FOCAD: variants seen among roughly 807,000 people sequenced by gnomAD.
The protein encoded by FOCAD is KIAA1797.
A neutral mutation model predicts 225.6 loss-of-function variants in FOCAD; 198 were observed. The observed-to-expected ratio is 0.88, with a 90% CI of 0.78 to 0.99. FOCAD has a LOEUF of 0.99. FOCAD is among the 50% of genes least tolerant of loss of function. FOCAD has a pLI of 0.00. For missense variants in FOCAD, 2,713 were observed against 2,123.6 expected (o/e 1.28, Z -5.46); for synonymous variants, 897 against 755.0 (o/e 1.19, Z -3.08).
intron 7 of FOCAD, among the ~76,000 whole-genome samples, chr9:20,766,975 C>G (rs938715258): frequency 1.3e-5 from 2 of 152,112 alleles, no homozygotes; most frequent in African/African-American, 4.8e-5. Context: ...TCCCTCCCCT[C>G]TCCCCCACCC....
rs1359900810 is a variant in FOCAD at position 20,913,141 on chromosome 9, TACATAC to T, written c.2807+191_2807+196del. 1.7e-3 allele frequency among the ~76,000 whole-genome samples: 175 copies of T among 100,582 alleles called. 1 individual carries two copies. The highest frequency in any genetic ancestry group is 5.5e-3 in the African/African-American group (138 of 24,990). 66.0% of individuals were successfully genotyped at this position (100,582 alleles called of 152,430 possible). ...GATAGAGAGCTTTATTTATAAATTA[TACATAC>T]ACACACACACACACACACACACACA... On this transcript the variant is annotated intron_variant, in intron 23 of 43. Coordinates refer to ENST00000338382, the MANE Select transcript of FOCAD (RefSeq NM_001375567.1).
chr9:20,671,851 G>A (rs1337209633), intron 2 of FOCAD, among the ~76,000 whole-genome samples: 1 of 152,132 alleles, frequency 6.6e-6, no homozygotes. Flanking sequence ...TGCTGCCGCT[G>A]GCTTGTACAG....
chr9:20,885,357 A>G lies in FOCAD; in HGVS notation c.2625+127A>G, dbSNP rs1003222400. The G allele has an allele frequency of 1.6e-4, 154 of 962,080 alleles. 2 individuals are homozygous for G. The highest frequency in any genetic ancestry group is 7.1e-5 in the Admixed American group (2 of 28,030). 59.6% of individuals were successfully genotyped at this position (962,080 alleles called of 1,614,324 possible). A position where few individuals can be genotyped will look rare whatever the true frequency, so the allele number is the denominator to read the frequency against. On this transcript the variant is annotated intron_variant, in intron 21 of 43. Coordinates refer to ENST00000338382, the MANE Select transcript of FOCAD (RefSeq NM_001375567.1). ...TGTAAGTTGCTTTTAAAGGCCACCA[A>G]AATAGTTGACCCAACTGAATACTCA...
intron 28 of FOCAD, among the ~76,000 whole-genome samples, chr9:20,937,907 C>A (rs1447892742): frequency 2.6e-5 from 4 of 152,086 alleles, no homozygotes; most frequent in African/African-American, 7.2e-5. Context: ...ACCCCATCAA[C>A]AAGTGGGCAA....
At chr9:20,955,685 C>T (rs1258602805) in intron 35 of FOCAD, among the ~76,000 whole-genome samples, 1 of 152,090 alleles carries the variant, frequency 6.6e-6, no homozygotes, top group Admixed American at 6.5e-5. Context: ...TGCTCATCAT[C>T]TAATTCCTCC....
intron 1 of FOCAD, among the ~76,000 whole-genome samples, chr9:20,710,362 G>A (rs1255950883): frequency 6.6e-6 from 1 of 151,498 alleles, no homozygotes; most frequent in Admixed American, 6.6e-5. Flanking sequence ...TTGGGAGGCC[G>A]AGATGGGCAG....
intron 15 of FOCAD, among the ~76,000 whole-genome samples, chr9:20,850,459 T>A (rs1313532287): frequency 1.3e-5 from 2 of 151,850 alleles, no homozygotes; most frequent in South Asian, 4.1e-4. Context: ...TAGATATAAA[T>A]TGCTATGGCA....
intron 2 of FOCAD, among the ~76,000 whole-genome samples, chr9:20,671,724 G>T (rs1264577608): frequency 6.6e-6 from 1 of 152,158 alleles, no homozygotes. Flanking sequence ...CAAAAAAAGG[G>T]CAAAAAGTTT....
At chr9:20,952,214 C>T (rs1837746846) in intron 34 of FOCAD, among the ~76,000 whole-genome samples, 1 of 152,022 alleles carries the variant, frequency 6.6e-6, no homozygotes, top group Non-Finnish European at 1.5e-5. Context: ...TTATGGGGTA[C>T]TTGGTCTGGC....
chr9:20,699,294 A>G (rs974317336), intron 1 of FOCAD, among the ~76,000 whole-genome samples: 2 of 152,104 alleles, frequency 1.3e-5, no homozygotes, highest in African/African-American at 4.8e-5. Flanking sequence ...AACTCTTTTG[A>G]AGATTGGCTT....
chr9:20,689,014 T>C (rs1822822413), intron 1 of FOCAD, among the ~76,000 whole-genome samples: 1 of 152,126 alleles, frequency 6.6e-6, no homozygotes, highest in South Asian at 2.1e-4. Flanking sequence ...GTCAGAGTGA[T>C]GGAATGTGAA....
intron 5 of FOCAD, among the ~76,000 whole-genome samples, chr9:20,753,080 A>G (rs1269202010): frequency 6.6e-6 from 1 of 152,174 alleles, no homozygotes; most frequent in Non-Finnish European, 1.5e-5. Context: ...GGGGTTTTCT[A>G]GATATACAAT....
chr9:20,744,612 A>G lies in FOCAD; in HGVS notation c.392+4272A>G, dbSNP rs574476232. Among the ~76,000 whole-genome samples the G allele has an allele frequency of 2.6e-5, 4 of 152,298 alleles. No homozygotes were observed. The South Asian group carries it at 8.3e-4, about 32-fold the overall frequency. ...AGAGCCCTCTTAGGAGCTTTAAAAT[A>G]TATGGATGACTGGGCTTTACCCAGA... is the stretch of plus-strand genomic sequence containing the variant. On this transcript the variant is annotated intron_variant, in intron 5 of 43. Transcript: ENST00000338382.
chr9:20,761,694 A>C (rs1157079052), intron 6 of FOCAD, among the ~76,000 whole-genome samples: 1 of 152,164 alleles, frequency 6.6e-6, no homozygotes, highest in Non-Finnish European at 1.5e-5. Context: ...TGCTGGGATT[A>C]CAGGTGTGAG....
chr9:20,939,525 G>A (rs1164079456), intron 28 of FOCAD, among the ~76,000 whole-genome samples: 3 of 152,070 alleles, frequency 2.0e-5, no homozygotes, highest in South Asian at 2.1e-4. Flanking sequence ...TTTTCAGGAA[G>A]GTTGTTTAAA....
rs150770970 is a variant in FOCAD, at chr9:20,840,866, G to A, written c.1920+17751G>A. On this transcript the variant is annotated intron_variant, in intron 15 of 43. Transcript: ENST00000338382. ...AATACTAGCTGTGGGTCTGTCTTAC[G>A]TGGCTTTTATTATGTTGATGTATGT... 3.0e-3 allele frequency among the ~76,000 whole-genome samples: 462 copies of A among 151,852 alleles called. 2 individuals carry two copies. Among genetic ancestry groups the A allele is most frequent in the African/African-American group, 0.01 (429 of 41,476 alleles).
intron 43 of FOCAD, among the ~76,000 whole-genome samples, chr9:20,994,055 C>G (rs1194356414): frequency 1.3e-5 from 2 of 152,130 alleles, no homozygotes; most frequent in Non-Finnish European, 2.9e-5. Context: ...ATACACATAG[C>G]TCAAATACTG....
At chr9:20,766,566 G>C (rs929143874) in intron 7 of FOCAD, among the ~76,000 whole-genome samples, 1 of 151,750 alleles carries the variant, frequency 6.6e-6, no homozygotes, top group East Asian at 1.9e-4. Flanking sequence ...AGAACAAAAT[G>C]AAATAAGCTT....
At chr9:20,956,458 A>G (rs1396449441) in intron 35 of FOCAD, among the ~76,000 whole-genome samples, 1 of 152,220 alleles carries the variant, frequency 6.6e-6, no homozygotes, top group Admixed American at 6.5e-5. Context: ...CCACTTGGAG[A>G]TAGCCATTAT....
Sources: gnomAD v4.1 joint callset for allele counts (sites outside exome capture counted in the v4.1 genomes callset) on GRCh38, gnomAD v4.1.1 for gene constraint, MANE v1.5 for transcripts, NCBI Gene and HGNC (gene_info 2026-07-23, HGNC 2026-07-21) for gene names.